Variants in NBEAL1 observed in about 807,000 individuals in gnomAD.
NBEAL1 encodes the protein neurobeachin like 1.
Under a neutral mutation model 351.3 loss-of-function variants are expected in NBEAL1, and 273 were observed. That is an observed-to-expected ratio of 0.78 (90% CI 0.70 to 0.86). The LOEUF (loss-of-function observed/expected upper bound fraction) is 0.86, where lower values mean the gene tolerates loss of function less well. Among genes scored for constraint, NBEAL1 ranks in the 40% least tolerant of loss-of-function variants. The probability of loss-of-function intolerance (pLI) is 0.00; values close to 1 mark genes in which losing one functional copy is unlikely to be tolerated. For missense variants in NBEAL1, 2,961 were observed against 3,201.3 expected, an observed-to-expected ratio of 0.92 and a Z score of 1.81; for synonymous variants, 1,050 against 1,086.4, an observed-to-expected ratio of 0.97 and a Z score of 0.66.
intron 3 of NBEAL1, among the ~76,000 whole-genome samples, chr2:203,043,728 C>CAA (rs762609803): frequency 6.3e-5 from 4 of 63,026 alleles, no homozygotes; most frequent in Admixed American, 1.7e-4. Context: ...AACCCTGTCT[C>CAA]AAAAAAAAAA....
At chr2:203,199,762 G>A (rs1048830616) in intron 49 of NBEAL1, among the ~76,000 whole-genome samples, 3 of 151,986 alleles carry the variant, frequency 2.0e-5, no homozygotes, top group South Asian at 2.1e-4. Context: ...ATTATAGGCC[G>A]CCTGGCCCTG....
chr2:203,022,136 G>A (rs558911373), intron 2 of NBEAL1, among the ~76,000 whole-genome samples: 5 of 152,134 alleles, frequency 3.3e-5, no homozygotes, highest in South Asian at 4.2e-4. Flanking sequence ...ACTTAAGGAC[G>A]TATTTCTATT....
chr2:203,077,879 A>AC, intron 8 of NBEAL1, 42 bp downstream of exon 8: 1 of 1,127,440 alleles, frequency 8.9e-7, no homozygotes, highest in Non-Finnish European at 1.2e-6. Context: ...ATTATAATTA[A>AC]CAGTGCAAAA....
chr2:203,089,623 T>TCA lies in NBEAL1; in HGVS notation c.1098+5064_1098+5065dup, dbSNP rs371672534. Among the ~76,000 whole-genome samples, 11 of 152,020 alleles carry TCA rather than the reference T, an allele frequency of 7.2e-5. No homozygotes were observed. In the East Asian group the frequency reaches 2.1e-3, roughly 29 times the overall value. ...ATTTAAGAGACACGAGAACCTAGGATCACACACACACCACAAAATTAGGGG... is the reference window on the plus strand; with the variant it reads ...ATTTAAGAGACACGAGAACCTAGGATCACACACACACACCACAAAATTAGGGG... On this transcript the variant is annotated intron_variant, in intron 10 of 55. Coordinates refer to ENST00000683969, the MANE Select transcript of NBEAL1 (RefSeq NM_001378026.1).
At chr2:203,207,383 G>T (rs1448289401) in intron 51 of NBEAL1, among the ~76,000 whole-genome samples, 1 of 152,182 alleles carries the variant, frequency 6.6e-6, no homozygotes, top group Non-Finnish European at 1.5e-5. Context: ...GAGCCCCTCT[G>T]CCCGGCCACC....
At chr2:203,113,739 A>G (rs915607787) in intron 17 of NBEAL1, among the ~76,000 whole-genome samples, 7 of 151,282 alleles carry the variant, frequency 4.6e-5, no homozygotes, top group Non-Finnish European at 1.0e-4. Context: ...CTCGCTTATG[A>G]GGTGGTTACC....
intron 10 of NBEAL1, among the ~76,000 whole-genome samples, chr2:203,096,942 C>T (rs912060714): frequency 1.3e-5 from 2 of 152,028 alleles, no homozygotes; most frequent in Non-Finnish European, 2.9e-5. Flanking sequence ...GTGTATTAGT[C>T]CATTTTCATG....
intron 41 of NBEAL1, among the ~76,000 whole-genome samples, chr2:203,174,921 A>C (rs1324058283): frequency 6.6e-6 from 1 of 151,858 alleles, no homozygotes; most frequent in African/African-American, 2.4e-5. Context: ...ACTATTCCAG[A>C]ATTAAGTGTT....
At chr2:203,184,583 ATTC>A (rs2064840006) in intron 44 of NBEAL1, among the ~76,000 whole-genome samples, 1 of 152,116 alleles carries the variant, frequency 6.6e-6, no homozygotes, top group South Asian at 2.1e-4. Context: ...AGCTCACTTT[ATTC>A]TTTACCTAAA....
In NBEAL1 at chr2:203,211,114, A is replaced by G. The variant is rs1299390531; in HGVS notation, c.7934+8A>G. 1 of 1,534,580 alleles carries G rather than the reference A, an allele frequency of 6.5e-7. No individual in the cohort carries two copies. The highest frequency in any genetic ancestry group is 8.8e-7 in the Non-Finnish European group (1 of 1,140,438). ...TATAAGAGATCTCCACAGGTAAATA[A>G]TAAAAACTAATGAAGTATCACTTAA... On this transcript the variant is annotated splice_region_variant and intron_variant, in intron 54 of 55. Coordinates refer to ENST00000683969, the MANE Select transcript of NBEAL1 (RefSeq NM_001378026.1).
At chr2:203,136,893 A>C in intron 29 of NBEAL1, 119 bp downstream of exon 29, 1 of 888,318 alleles carries the variant, frequency 1.1e-6, no homozygotes, top group South Asian at 2.0e-5. Flanking sequence ...GAAAAAGAGA[A>C]ACTTTGTGCT....
Position 203,135,990 on chromosome 2 carries a change from A to C in NBEAL1, c.4127A>C (p.Asp1376Ala), listed in dbSNP as rs565777332. The C allele has an allele frequency of 1.9e-6, 3 of 1,613,762 alleles. No homozygotes were observed. Among genetic ancestry groups the C allele is most frequent in the Non-Finnish European group, 2.5e-6 (3 of 1,179,838 alleles). Residue 1376 changes from aspartate (D) to alanine (A), a missense_variant, in exon 28 of 56, where the codon GAT becomes GCT. By Grantham distance (126) the Asp-to-Ala change is moderately radical. Transcript: ENST00000683969. ...TCAAACACACCATTATTTCCAGAAG[A>C]TAGCTCTGTGGGAGAATTGTCTTTC... ...LDSNTPLFPE[D>A]SSVGELSFKS...
chr2:203,031,661 G>A (rs905720625), intron 2 of NBEAL1, among the ~76,000 whole-genome samples: 5 of 152,062 alleles, frequency 3.3e-5, no homozygotes, highest in African/African-American at 1.2e-4. Flanking sequence ...AAAGTGACCT[G>A]GCAGTTTTGA....
intron 10 of NBEAL1, among the ~76,000 whole-genome samples, chr2:203,093,955 T>C (rs1340943270): frequency 1.3e-5 from 2 of 152,162 alleles, no homozygotes; most frequent in Admixed American, 6.5e-5. Context: ...TTTGTCAGAA[T>C]TACTTTAGAT....
chr2:203,210,404 G>T (rs977487750), intron 53 of NBEAL1, among the ~76,000 whole-genome samples: 4 of 149,540 alleles, frequency 2.7e-5, no homozygotes. Flanking sequence ...GCTCACGCCT[G>T]TAATGCCAGC....
chr2:203,112,593 T>G (rs900968607), intron 16 of NBEAL1, among the ~76,000 whole-genome samples: 1 of 152,214 alleles, frequency 6.6e-6, no homozygotes, highest in African/African-American at 2.4e-5. Context: ...AGATTATTTC[T>G]CAAGTCCAAG....
At chr2:203,075,037 TGTGGG>T (rs1384283781) in intron 7 of NBEAL1, 2 of 152,390 alleles carry the variant, frequency 1.3e-5, no homozygotes, top group African/African-American at 4.8e-5. Context: ...ATTGTGTGTG[TGTGGG>T]GTGGGGTGGA....
chr2:203,083,770 C>T (rs554415167), intron 9 of NBEAL1, among the ~76,000 whole-genome samples: 18 of 152,172 alleles, frequency 1.2e-4, no homozygotes, highest in African/African-American at 4.3e-4. Flanking sequence ...CTCCTAAAAG[C>T]ATCAATGTGA....
At chr2:203,098,434 A>G (rs916921502) in intron 11 of NBEAL1, among the ~76,000 whole-genome samples, 5 of 152,162 alleles carry the variant, frequency 3.3e-5, no homozygotes, top group Non-Finnish European at 7.4e-5. Context: ...ATAAATGTTA[A>G]TCCCTCTTAA....
Sources: allele counts gnomAD v4.1 joint callset (sites outside exome capture counted in the v4.1 genomes callset), GRCh38; gene constraint gnomAD v4.1.1; transcripts MANE v1.5; gene names NCBI Gene and HGNC (gene_info 2026-07-23, HGNC 2026-07-21).